HEATR4: variants seen among roughly 807,000 people sequenced by gnomAD.
The protein encoded by HEATR4 is HEAT repeat containing 4.
In HEATR4, 95 loss-of-function variants were observed where a neutral mutation model predicts 108.8. The ratio of observed to expected loss-of-function variants is 0.87; its 90% confidence interval spans 0.74 to 1.04. The LOEUF (loss-of-function observed/expected upper bound fraction) is 1.04, where lower values mean the gene tolerates loss of function less well. HEATR4 is among the 50% of genes least tolerant of loss of function. The probability of loss-of-function intolerance (pLI) is 0.00; values close to 1 mark genes in which losing one functional copy is unlikely to be tolerated. For synonymous variants in HEATR4, 443 were observed against 459.4 expected (o/e 0.96, Z 0.46); for missense variants, 1,152 against 1,253.8 (o/e 0.92, Z 1.23).
At position 73,512,157 on chromosome 14, in the gene HEATR4, G is replaced by A. The variant is rs756437944; in HGVS notation, c.1415-8C>T. On this transcript the variant is annotated splice_region_variant and splice_polypyrimidine_tract_variant and intron_variant, in intron 6 of 17. Coordinates refer to ENST00000553558, the MANE Select transcript of HEATR4 (RefSeq NM_001220484.1). ...CATGGTGCCACTCTATGACTGAGCCGCAGTGAGGGAAATGAAAAGAGAACC... is the reference window on the plus strand; with the variant it reads ...CATGGTGCCACTCTATGACTGAGCCACAGTGAGGGAAATGAAAAGAGAACC... 77 of 1,613,772 alleles carry A rather than the reference G, an allele frequency of 4.8e-5. 1 individual carries two copies. The highest frequency in any genetic ancestry group is 5.9e-5 in the Non-Finnish European group (70 of 1,179,856).
chr14:73,509,660 C>T (rs988425014), intron 7 of HEATR4, among the ~76,000 whole-genome samples, 187 bp from the exon 8 acceptor site: 42 of 151,252 alleles, frequency 2.8e-4, no homozygotes, highest in African/African-American at 9.9e-4. Flanking sequence ...TGTTAAAGCT[C>T]ACCTGTGTGC....
chr14:73,618,762 C>A, the HEATR4 span, among the ~76,000 whole-genome samples: 3 of 152,168 alleles, frequency 2.0e-5, no homozygotes, highest in Non-Finnish European at 4.4e-5. Flanking sequence ...ACTAGGAAAT[C>A]AGTTGATTTG....
chr14:73,632,157 A>G, the HEATR4 span: 1 of 139,884 alleles, frequency 7.1e-6, no homozygotes, highest in East Asian at 1.9e-4. Flanking sequence ...GGAAATTTGT[A>G]GAGATGGGGG....
the HEATR4 span, among the ~76,000 whole-genome samples, chr14:73,600,486 T>A: frequency 2.0e-5 from 3 of 152,042 alleles, no homozygotes; most frequent in Admixed American, 6.6e-5. Context: ...AGTTTTGCTC[T>A]TGTTTCCCAG....
At chr14:73,570,085 G>A in the HEATR4 span, among the ~76,000 whole-genome samples, 3 of 149,580 alleles carry the variant, frequency 2.0e-5, no homozygotes, top group African/African-American at 7.4e-5. Flanking sequence ...GAGCCACCGC[G>A]CCCGGCACTT....
At chr14:73,580,924 GAA>G in the HEATR4 span, 2 of 151,744 alleles carry the variant, frequency 1.3e-5, no homozygotes, top group African/African-American at 4.8e-5. Flanking sequence ...AGGGGGAAAG[GAA>G]AAAAAAGTCT....
intron 12 of HEATR4, among the ~76,000 whole-genome samples, chr14:73,499,458 T>A (rs1886296795): frequency 6.6e-6 from 1 of 151,936 alleles, no homozygotes; most frequent in South Asian, 2.1e-4. Flanking sequence ...CCAGCCTGGG[T>A]GACAGAGCGA....
rs1885888470 is a variant in HEATR4 at position 73,493,046 on chromosome 14, A to G, written c.2844+20T>C. On this transcript the variant is annotated intron_variant, in intron 17 of 17. Transcript: ENST00000553558. ...AACTCACGTTCTTACCTTGATAAGC[A>G]TCAGTGTGCTCACATTTACCTTTAT... 5 of 1,600,904 alleles carry G rather than the reference A, an allele frequency of 3.1e-6. No individual in the cohort carries two copies. The highest frequency in any genetic ancestry group is 4.2e-6 in the Non-Finnish European group (5 of 1,176,584).
chr14:73,586,375 C>T, the HEATR4 span, among the ~76,000 whole-genome samples: 1 of 150,018 alleles, frequency 6.7e-6, no homozygotes, highest in Admixed American at 6.7e-5. Flanking sequence ...GCCTGGGCAA[C>T]AAGAGCAAAA....
At position 73,520,858 on chromosome 14, in the gene HEATR4, A is replaced by G; in HGVS notation, c.1063T>C (p.Tyr355His). 6.2e-7 allele frequency: 1 copy of G among 1,613,696 alleles called. No individual in the cohort carries two copies. The highest frequency in any genetic ancestry group is 1.1e-5 in the South Asian group (1 of 91,030). ...STDNTFEQEI[Y>H]FDEVQIIHQI... Reference sequence around the variant, plus strand: ...AGGGGCCCAGCTCTATTACCAAAGTAAATCTCCTGTTCAAAGGTGTTGTCT... The same window carrying G: ...AGGGGCCCAGCTCTATTACCAAAGTGAATCTCCTGTTCAAAGGTGTTGTCT... The change falls in exon 4 of 18, where the codon TAC becomes CAC. Residue 355 changes from tyrosine (Y) to histidine (H), a missense_variant. Physicochemically the swap from Tyr to His is moderately conservative, Grantham distance 83 (BLOSUM62 2). Coordinates refer to ENST00000553558, the MANE Select transcript of HEATR4 (RefSeq NM_001220484.1).
At chr14:73,483,181 G>A (rs1467439677) in intron 17 of HEATR4, among the ~76,000 whole-genome samples, 1 of 152,150 alleles carries the variant, frequency 6.6e-6, no homozygotes, top group Non-Finnish European at 1.5e-5. Context: ...TTTCCCAGGG[G>A]AGTGTGGGTT....
At chr14:73,520,780 G>T in intron 4 of HEATR4, 72 bp downstream of exon 4, 1 of 1,400,580 alleles carries the variant, frequency 7.1e-7, no homozygotes, top group Non-Finnish European at 9.9e-7. Flanking sequence ...ACTGTTTCCA[G>T]CCCCCAGCAA....
Position 73,492,326 on chromosome 14 carries a change from C to T in HEATR4, c.2844+740G>A, listed in dbSNP as rs1885823462. The T allele has an allele frequency of 3.1e-6, 5 of 1,614,042 alleles. No individual in the cohort carries two copies. The highest frequency in any genetic ancestry group is 3.3e-4 in the Middle Eastern group (2 of 6,062). On this transcript the variant is annotated intron_variant, in intron 17 of 17. Transcript: ENST00000553558. This position sits in a 1 kb window ranked among gnomAD's most constrained non-coding sequence, Gnocchi z 4.9. Reference sequence around the variant, plus strand: ...GGGTGACTTCTTAGAGGCCATACTGCCTCTGGCAGTGCAGGCTGCAATGGA... The same window carrying T: ...GGGTGACTTCTTAGAGGCCATACTGTCTCTGGCAGTGCAGGCTGCAATGGA...
rs1270011433 is a variant in HEATR4, at chr14:73,541,513, A to G, written c.-151-11269T>C. The G allele has an allele frequency of 4.0e-6, 5 of 1,244,368 alleles. 1 individual carries two copies. The Admixed American group carries it at 9.6e-5, about 24-fold the overall frequency. 77.1% of individuals were successfully genotyped at this position (1,244,368 alleles called of 1,614,324 possible). A position where few individuals can be genotyped will look rare whatever the true frequency, so the allele number is the denominator to read the frequency against. ...CCAAGAACCTGGGCCCTTTCCTGGC[A>G]TTGTGGACATGTTCGGAACTGGAGG... On this transcript the variant is annotated intron_variant, in intron 1 of 17. Transcript: ENST00000553558.
chr14:73,510,671 G>C (rs1887195396), intron 7 of HEATR4, among the ~76,000 whole-genome samples: 1 of 152,010 alleles, frequency 6.6e-6, no homozygotes, highest in Non-Finnish European at 1.5e-5. Flanking sequence ...CTTGACTTCA[G>C]GTGATCCACC....
At chr14:73,559,322 T>C (rs901198057), upstream of HEATR4, among the ~76,000 whole-genome samples, 16 of 150,854 alleles carry the variant, frequency 1.1e-4, no homozygotes, top group Non-Finnish European at 1.9e-4. Context: ...TTTCACCATG[T>C]TGGACAGGCT....
rs1422428599 is a variant in HEATR4, at chr14:73,552,011, A to G, written c.-152+6740T>C. ...AATCATGAGAAAGAGGCGAGCCTAT[A>G]AAGTCCTAGGATCACAGTTAAACAG... On this transcript the variant is annotated intron_variant, in intron 1 of 17. Transcript: ENST00000553558. Among the ~76,000 whole-genome samples, 1,079 of 109,698 alleles carry G rather than the reference A, an allele frequency of 9.8e-3. 14 individuals carry two copies. Among genetic ancestry groups the G allele is most frequent in the African/African-American group, 0.03 (961 of 31,580 alleles). 72.0% of individuals were successfully genotyped at this position (109,698 alleles called of 152,430 possible). A position where few individuals can be genotyped will look rare whatever the true frequency, so the allele number is the denominator to read the frequency against.
chr14:73,513,337 T>C (rs1887381419), intron 6 of HEATR4, among the ~76,000 whole-genome samples: 1 of 151,692 alleles, frequency 6.6e-6, no homozygotes, highest in Non-Finnish European at 1.5e-5. Flanking sequence ...CACATGCCTA[T>C]AGTCCCAGCT....
At chr14:73,506,640 A>G in intron 9 of HEATR4, 69 bp from the exon 10 acceptor site, 1 of 1,208,800 alleles carries the variant, frequency 8.3e-7, no homozygotes, top group South Asian at 1.2e-5. Context: ...TTGAAGTTAC[A>G]TTCTGAAATG....
Sources: gnomAD v4.1 joint callset for allele counts (sites outside exome capture counted in the v4.1 genomes callset) on GRCh38, gnomAD v4.1.1 for gene constraint, Gnocchi (gnomAD v3.1) non-coding constraint, MANE v1.5 for transcripts, NCBI Gene and HGNC (gene_info 2026-07-23, HGNC 2026-07-21) for gene names.